Variants in SLC36A1 observed in about 807,000 individuals in gnomAD.
SLC36A1 encodes solute carrier family 36 member 1.
A neutral mutation model predicts 47.5 loss-of-function variants in SLC36A1; 30 were observed. That is an observed-to-expected ratio of 0.63 (90% CI 0.47 to 0.86). The LOEUF is 0.86. Among genes scored for constraint, SLC36A1 ranks in the 40% least tolerant of loss-of-function variants. The pLI, the probability that SLC36A1 is intolerant of heterozygous loss-of-function variation, is 0.00. For synonymous variants in SLC36A1, 255 were observed against 249.7 expected (o/e 1.02, Z -0.20); for missense variants, 517 against 606.0 (o/e 0.85, Z 1.54).
intron 1 of SLC36A1, among the ~76,000 whole-genome samples, chr5:151,449,101 A>G (rs1753233261): frequency 6.6e-6 from 1 of 152,076 alleles, no homozygotes; most frequent in Non-Finnish European, 1.5e-5. Flanking sequence ...CGCTGTGTAC[A>G]CTGAGTATCA....
the SLC36A1 span, among the ~76,000 whole-genome samples, chr5:151,418,993 A>G: frequency 0.17 from 25,558 of 152,044 alleles, 2,388 homozygotes; most frequent in East Asian, 0.38. Context: ...GTGGGTTCTC[A>G]TGAGATCTGA....
Position 151,490,804 on chromosome 5 carries a change from T to A in SLC36A1, c.*2550T>A, listed in dbSNP as rs967724264. On this transcript the variant is annotated 3_prime_UTR_variant, in exon 11 of 11. Coordinates refer to ENST00000243389, the MANE Select transcript of SLC36A1 (RefSeq NM_078483.4). The stretch of plus-strand genomic sequence containing the variant: ...CAGCTCTTAGGCATCAAGCAAAGGG[T>A]CAGCCAGTCAGTAGTAGTGGGAGGA... 14 of 152,184 alleles carry A rather than the reference T, an allele frequency of 9.2e-5. No homozygotes were observed. Among genetic ancestry groups the A allele is most frequent in the African/African-American group, 3.4e-4 (14 of 41,500 alleles). The allele number at this position is 152,184 out of a possible 1,614,324, so 9.4% of individuals were successfully genotyped here. A position where few individuals can be genotyped will look rare whatever the true frequency, so the allele number is the denominator to read the frequency against.
chr5:151,439,921 C>T (rs1428266728), intron 1 of SLC36A1, among the ~76,000 whole-genome samples: 2 of 152,110 alleles, frequency 1.3e-5, no homozygotes, highest in African/African-American at 2.4e-5. Context: ...ATTTCCACTC[C>T]AAAGTTAAGG....
chr5:151,442,896 T>C (rs1234227721), upstream of SLC36A1, among the ~76,000 whole-genome samples: 1 of 152,202 alleles, frequency 6.6e-6, no homozygotes, highest in Non-Finnish European at 1.5e-5. Flanking sequence ...GAGCATGCAA[T>C]ATTTTTTCTT....
chr5:151,462,140 A>G (rs571328374), intron 2 of SLC36A1, among the ~76,000 whole-genome samples: 2 of 152,064 alleles, frequency 1.3e-5, no homozygotes, highest in South Asian at 2.1e-4. Context: ...CAAAATTAGG[A>G]AAAAAAACCA....
At chr5:151,495,906 C>G (rs758418508), downstream of SLC36A1, among the ~76,000 whole-genome samples, 9 of 151,984 alleles carry the variant, frequency 5.9e-5, no homozygotes, top group Non-Finnish European at 1.2e-4. Context: ...GATGTTTAAC[C>G]CTTCAGTCAC....
rs183398364 is a variant in SLC36A1 at position 151,467,227 on chromosome 5, A to G, written c.448A>G (p.Thr150Ala). 23 of 1,611,024 alleles carry G rather than the reference A, an allele frequency of 1.4e-5. No homozygotes were observed. In the African/African-American group the frequency reaches 2.8e-4, roughly 20 times the overall value. The part of the protein sequence containing the change: ...RRVVDFFLIV[T>A]QLGFCCVYFV... ...TGTTGTGGACTTCTTCCTGATTGTC[A>G]CCCAGCTGGGATTCTGCTGTGTCTA... is the stretch of plus-strand genomic sequence containing the variant. Residue 150 changes from threonine to alanine, a missense_variant, in exon 6 of 11, where the codon ACC (threonine) becomes GCC (alanine). By Grantham distance (58) the Thr-to-Ala change is moderately conservative. Transcript: ENST00000243389.
chr5:151,552,931 C>G, the SLC36A1 span, among the ~76,000 whole-genome samples: 1 of 152,232 alleles, frequency 6.6e-6, no homozygotes, highest in Admixed American at 6.5e-5. Flanking sequence ...GTAACTGAGG[C>G]ACTGCCAACT....
chr5:151,477,130 G>C (rs1474151925), intron 9 of SLC36A1: 1 of 365,948 alleles, frequency 2.7e-6, no homozygotes, highest in African/African-American at 2.1e-5. Flanking sequence ...GGTAGTAACA[G>C]GCTTGATATG....
At chr5:151,485,156 C>A (rs188260136) in intron 10 of SLC36A1, among the ~76,000 whole-genome samples, 22 of 152,312 alleles carry the variant, frequency 1.4e-4, no homozygotes, top group African/African-American at 5.3e-4. Flanking sequence ...TATTTAGAAG[C>A]AGCTAAGGGC....
the SLC36A1 span, among the ~76,000 whole-genome samples, chr5:151,529,811 G>A: frequency 6.6e-6 from 1 of 151,996 alleles, no homozygotes; most frequent in Non-Finnish European, 1.5e-5. Flanking sequence ...CAGACCTCAG[G>A]GCATAAAATG....
At chr5:151,521,813 G>A in the SLC36A1 span, 5 of 1,614,152 alleles carry the variant, frequency 3.1e-6, no homozygotes, top group Non-Finnish European at 4.2e-6. Context: ...TGGCCACGAG[G>A]CAGGCCCTGG....
chr5:151,482,123 A>G (rs1195890884), intron 10 of SLC36A1, among the ~76,000 whole-genome samples: 1 of 152,244 alleles, frequency 6.6e-6, no homozygotes, highest in Non-Finnish European at 1.5e-5. Context: ...CAGAGCTGCA[A>G]AACATTCCAA....
chr5:151,416,925 G>A, the SLC36A1 span, among the ~76,000 whole-genome samples: 1 of 152,154 alleles, frequency 6.6e-6, no homozygotes, highest in African/African-American at 2.4e-5. Flanking sequence ...AGATCCTATG[G>A]TTTTATAAGG....
chr5:151,447,538 A>G (rs1753003888), upstream of SLC36A1: 3 of 152,302 alleles, frequency 2.0e-5, no homozygotes. Flanking sequence ...AGTGAGAAAA[A>G]AGGCGCGGCC....
intron 1 of SLC36A1, among the ~76,000 whole-genome samples, chr5:151,449,288 T>A (rs936284542): frequency 3.9e-5 from 6 of 152,220 alleles, no homozygotes; most frequent in African/African-American, 1.4e-4. Context: ...ATCAGGGCCC[T>A]CTTCTGACTC....
the SLC36A1 span, among the ~76,000 whole-genome samples, chr5:151,377,366 T>TTTTTTG: frequency 1.3e-5 from 2 of 148,610 alleles, no homozygotes; most frequent in South Asian, 4.3e-4. Context: ...TTTTTTTTTT[T>TTTTTTG]GAGACGGAGT....
chr5:151,527,877 TG>T, the SLC36A1 span: 1 of 1,319,748 alleles, frequency 7.6e-7, no homozygotes, highest in Non-Finnish European at 1.0e-6. Flanking sequence ...AGAGACATTC[TG>T]GGAAGGTCTG....
chr5:151,549,886 T>G, the SLC36A1 span, among the ~76,000 whole-genome samples: 1 of 152,150 alleles, frequency 6.6e-6, no homozygotes, highest in Admixed American at 6.5e-5. Flanking sequence ...AGTCAAACAG[T>G]TTTCTTTGTT....
Sources: allele counts gnomAD v4.1 joint callset (sites outside exome capture counted in the v4.1 genomes callset), GRCh38; gene constraint gnomAD v4.1.1; transcripts MANE v1.5; gene names NCBI Gene and HGNC (gene_info 2026-07-23, HGNC 2026-07-21).